APPL2: variants seen among roughly 807,000 people sequenced by gnomAD.
APPL2 encodes adaptor protein, phosphotyrosine interacting with PH domain and leucine zipper 2.
Under a neutral mutation model 92.7 loss-of-function variants are expected in APPL2, and 84 were observed. The ratio of observed to expected loss-of-function variants is 0.91; its 90% CI spans 0.76 to 1.09. The LOEUF (loss-of-function observed/expected upper bound fraction) is 1.09. APPL2 is among the 50% of genes least tolerant of loss of function. The pLI is 0.00. For synonymous variants in APPL2, 291 were observed against 291.0 expected, an observed-to-expected ratio of 1.00 and a Z score of 0.00; for missense variants, 736 against 824.5, an observed-to-expected ratio of 0.89 and a Z score of 1.31.
chr12:105,189,979 C>G lies in APPL2; in HGVS notation c.1406+12G>C, dbSNP rs1314704624. 1.9e-6 allele frequency: 3 copies of G among 1,613,620 alleles called. No individual in the cohort carries two copies. Among genetic ancestry groups the G allele is most frequent in the Non-Finnish European group, 2.5e-6 (3 of 1,179,590 alleles). Reference sequence around the variant, plus strand: ...TTCAGTTCTCCCAGAGATAACCTCTCTCAGCCCATACCTGCTCCCTCTGTT... The same window carrying G: ...TTCAGTTCTCCCAGAGATAACCTCTGTCAGCCCATACCTGCTCCCTCTGTT... On this transcript the variant is annotated intron_variant, in intron 15 of 20. Transcript: ENST00000258530.
chr12:105,206,912 C>T, intron 8 of APPL2, 149 bp downstream of exon 8: 2 of 978,754 alleles, frequency 2.0e-6, no homozygotes. Context: ...CAACTGGAAG[C>T]TGTCCAAGTG....
At chr12:105,181,845 TTC>T (rs1886143847) in intron 17 of APPL2, among the ~76,000 whole-genome samples, 1 of 152,338 alleles carries the variant, frequency 6.6e-6, no homozygotes, top group East Asian at 1.9e-4. Flanking sequence ...TGTTTGATTC[TTC>T]TCTCTTTTCT....
intron 17 of APPL2, among the ~76,000 whole-genome samples, chr12:105,180,798 T>C (rs1372976908): frequency 1.3e-5 from 2 of 152,216 alleles, no homozygotes; most frequent in Non-Finnish European, 2.9e-5. Context: ...CTTGTGATTT[T>C]TGCACATTAA....
chr12:105,178,875 A>T (rs182174915), intron 17 of APPL2, among the ~76,000 whole-genome samples: 10 of 152,376 alleles, frequency 6.6e-5, no homozygotes, highest in Admixed American at 1.3e-4. Context: ...TCAAGTTGGA[A>T]TAACTTTCAT....
chr12:105,209,411 A>C (rs755365840), intron 5 of APPL2, among the ~76,000 whole-genome samples: 33 of 152,132 alleles, frequency 2.2e-4, no homozygotes, highest in Non-Finnish European at 4.0e-4. Flanking sequence ...CACTTAAAAA[A>C]AATCACCATC....
At chr12:105,186,632 A>ATATGG (rs1886657341) in intron 17 of APPL2, among the ~76,000 whole-genome samples, 3 of 57,928 alleles carry the variant, frequency 5.2e-5, no homozygotes, top group African/African-American at 1.3e-4. Flanking sequence ...TATATCATAT[A>ATATGG]TATCATATAT....
Position 105,206,929 on chromosome 12 carries a change from C to T in APPL2, c.621+132G>A, listed in dbSNP as rs1888749024. 2.5e-6 allele frequency: 3 copies of T among 1,214,998 alleles called. No homozygotes were observed. In the South Asian group the frequency reaches 4.8e-5, roughly 20 times the overall value. The allele number at this position is 1,214,998 out of a possible 1,614,324, so 75.3% of individuals were successfully genotyped here. ...ACTGGAAGCTGTCCAAGTGCTGAAT[C>T]CCACAAAGTAGCCAGGGAGATTGTG... On this transcript the variant is annotated intron_variant, in intron 8 of 20. Coordinates refer to ENST00000258530, the MANE Select transcript of APPL2 (RefSeq NM_018171.5).
chr12:105,214,850 G>A (rs1477830878), intron 4 of APPL2, among the ~76,000 whole-genome samples: 4 of 152,322 alleles, frequency 2.6e-5, no homozygotes, highest in Middle Eastern at 3.4e-3. Flanking sequence ...TTCCAGGAAC[G>A]GGAGAGAGCT....
chr12:105,185,206 G>C (rs965333783), intron 17 of APPL2, among the ~76,000 whole-genome samples: 27 of 152,170 alleles, frequency 1.8e-4, no homozygotes, highest in African/African-American at 6.3e-4. Context: ...CGTGGTGATG[G>C]GATCCACTGA....
At chr12:105,221,749 G>A (rs527273964) in intron 2 of APPL2, among the ~76,000 whole-genome samples, 51 of 152,348 alleles carry the variant, frequency 3.3e-4, no homozygotes, top group Admixed American at 2.0e-3. Context: ...ACACCCTGAG[G>A]AGGGTTTGCT....
intron 4 of APPL2, among the ~76,000 whole-genome samples, chr12:105,216,853 T>G (rs750368221): frequency 1.3e-5 from 2 of 152,238 alleles, no homozygotes; most frequent in Non-Finnish European, 2.9e-5. Flanking sequence ...TTTGGTCTAT[T>G]CTTCATATAT....
intron 8 of APPL2, 94 bp from the exon 9 acceptor site, chr12:105,203,879 AC>A: frequency 1.8e-6 from 2 of 1,125,164 alleles, no homozygotes; most frequent in Non-Finnish European, 2.7e-6. Context: ...GGCAGCCATC[AC>A]AGCTGGCTGG....
intron 1 of APPL2, among the ~76,000 whole-genome samples, chr12:105,230,764 C>T (rs148262735): frequency 2.6e-5 from 4 of 152,304 alleles, no homozygotes; most frequent in East Asian, 1.9e-4. Flanking sequence ...ATGCTTATCC[C>T]GCTTTGCCCA....
At chr12:105,188,165 C>T in intron 17 of APPL2, 108 bp downstream of exon 17, 1 of 1,284,080 alleles carries the variant, frequency 7.8e-7, no homozygotes, top group Non-Finnish European at 1.1e-6. Flanking sequence ...GGGGCAAAAG[C>T]AAGAGTAGTC....
intron 17 of APPL2, among the ~76,000 whole-genome samples, chr12:105,180,939 T>C (rs551632586): frequency 1.3e-5 from 2 of 152,292 alleles, no homozygotes; most frequent in African/African-American, 4.8e-5. Flanking sequence ...CTCTTCCTAT[T>C]TGAATACCCT....
intron 17 of APPL2, among the ~76,000 whole-genome samples, chr12:105,183,928 C>T (rs1255515690): frequency 6.6e-6 from 1 of 152,088 alleles, no homozygotes; most frequent in Admixed American, 6.6e-5. Context: ...TCACATAGTC[C>T]CATATTTCTT....
At chr12:105,224,435 T>C (rs1890345686) in intron 2 of APPL2, among the ~76,000 whole-genome samples, 1 of 152,236 alleles carries the variant, frequency 6.6e-6, no homozygotes, top group Admixed American at 6.5e-5. Context: ...TCTAAAAGCT[T>C]ACACTTCTTT....
At chr12:105,179,625 A>C (rs1330086698) in intron 17 of APPL2, among the ~76,000 whole-genome samples, 1 of 152,162 alleles carries the variant, frequency 6.6e-6, no homozygotes, top group East Asian at 1.9e-4. Flanking sequence ...CTATTTCTCC[A>C]CATCCTCTCC....
rs180760222 is a variant in APPL2, at chr12:105,177,270, T to C, written c.1635-8A>G. ...GTCTGTGGATCTATCAACCTGAAAT[T>C]TTAAAAGATACATTATGTCACAAAT... On this transcript the variant is annotated splice_region_variant and splice_polypyrimidine_tract_variant and intron_variant, in intron 17 of 20. Transcript: ENST00000258530. 1 of 1,612,612 alleles carries C rather than the reference T, an allele frequency of 6.2e-7. No homozygotes were observed. Among genetic ancestry groups the C allele is most frequent in the Admixed American group, 1.7e-5 (1 of 60,024 alleles).
Sources: gnomAD v4.1 joint callset for allele counts (sites outside exome capture counted in the v4.1 genomes callset) on GRCh38, gnomAD v4.1.1 for gene constraint, MANE v1.5 for transcripts, NCBI Gene and HGNC (gene_info 2026-07-23, HGNC 2026-07-21) for gene names.